The following SLC1A2 variants were observed in gnomAD, a reference collection of about 807,000 sequenced individuals.
SLC1A2 encodes the protein solute carrier family 1 member 2, also known as excitatory amino acid transporter 2.
SLC1A2 carries 15 observed loss-of-function variants against 48.8 expected under a neutral mutation model. The ratio of observed to expected loss-of-function variants is 0.31; its 90% CI spans 0.21 to 0.47. The LOEUF (loss-of-function observed/expected upper bound fraction) is 0.47. Among genes scored for constraint, SLC1A2 ranks in the 20% least tolerant of loss-of-function variants. SLC1A2 has a pLI of 0.99. For synonymous variants in SLC1A2, 279 were observed against 272.6 expected (o/e 1.02, Z -0.23); for missense variants, 502 against 730.5 (o/e 0.69, Z 3.61).
At chr11:35,411,494 G>A (rs1855459532) in intron 1 of SLC1A2, among the ~76,000 whole-genome samples, 1 of 152,130 alleles carries the variant, frequency 6.6e-6, no homozygotes, top group African/African-American at 2.4e-5. Context: ...AGGTTGGAGT[G>A]CAGTGGTTAT....
At chr11:35,376,727 G>A (rs921692875) in intron 1 of SLC1A2, among the ~76,000 whole-genome samples, 2 of 151,500 alleles carry the variant, frequency 1.3e-5, no homozygotes, top group East Asian at 1.9e-4. Context: ...TTTTTAAGCC[G>A]GCAATGGTTA....
At chr11:35,356,652 T>G (rs145962620) in intron 1 of SLC1A2, among the ~76,000 whole-genome samples, 1 of 152,246 alleles carries the variant, frequency 6.6e-6, no homozygotes, top group African/African-American at 2.4e-5. Flanking sequence ...AATATTCCTT[T>G]GCTCTTGTCG....
At chr11:35,305,606 A>G (rs757307121) in intron 5 of SLC1A2, among the ~76,000 whole-genome samples, 3 of 152,174 alleles carry the variant, frequency 2.0e-5, no homozygotes. Context: ...CTCCCTTGGT[A>G]CCTACTCCAA....
intron 8 of SLC1A2, among the ~76,000 whole-genome samples, chr11:35,282,863 C>T (rs925027111): frequency 6.6e-6 from 1 of 152,190 alleles, no homozygotes; most frequent in Non-Finnish European, 1.5e-5. Context: ...ATACCCTCAC[C>T]CTCCGGTAGG....
At chr11:35,339,562 C>G (rs1196017315) in intron 1 of SLC1A2, among the ~76,000 whole-genome samples, 1 of 152,158 alleles carries the variant, frequency 6.6e-6, no homozygotes, top group African/African-American at 2.4e-5. Context: ...TGGTGACTCA[C>G]AGGACCCTCT....
intron 1 of SLC1A2, among the ~76,000 whole-genome samples, chr11:35,331,298 C>T (rs547208152): frequency 3.3e-5 from 5 of 152,308 alleles, no homozygotes; most frequent in African/African-American, 1.2e-4. Flanking sequence ...GCTTCCATCG[C>T]CCATGGAAGC....
intron 1 of SLC1A2, among the ~76,000 whole-genome samples, chr11:35,407,351 C>T (rs1229409721): frequency 6.6e-6 from 1 of 152,130 alleles, no homozygotes; most frequent in East Asian, 1.9e-4. Flanking sequence ...ATGAATTAGC[C>T]TCAGGTTCTA....
At position 35,312,358 on chromosome 11, in the gene SLC1A2, A is replaced by G. The variant is rs200401722; in HGVS notation, c.401T>C (p.Leu134Pro). ...YMSTTIIAAV[L>P]GVILVLAIHP... ...GATAGCCAAGACCAGAATGACCCCC[A>G]GTACTGCAGCAATGATGGTCGTGGA... is the stretch of plus-strand genomic sequence containing the variant. Residue 134 changes from leucine (L) to proline (P), a missense_variant, in exon 4 of 11, where the codon CTG (leucine) becomes CCG (proline). Physicochemically the swap from Leu to Pro is moderately conservative, Grantham distance 98. Coordinates refer to ENST00000278379, the MANE Select transcript of SLC1A2 (RefSeq NM_004171.4). 6.2e-7 allele frequency: 1 copy of G among 1,614,150 alleles called. No individual in the cohort carries two copies. The highest frequency in any genetic ancestry group is 1.7e-5 in the Admixed American group (1 of 60,022).
chr11:35,312,488 G>A (rs750011191), intron 3 of SLC1A2, 40 bp from the exon 4 acceptor site: 39 of 1,606,354 alleles, frequency 2.4e-5, no homozygotes, highest in Middle Eastern at 1.7e-4. Flanking sequence ...ATTCTATTAC[G>A]TTTGTGCTAA....
intron 1 of SLC1A2, among the ~76,000 whole-genome samples, chr11:35,341,694 TG>T: frequency 6.6e-6 from 1 of 152,286 alleles, no homozygotes; most frequent in East Asian, 1.9e-4. Flanking sequence ...TATTGGGTGT[TG>T]GGGGTAAGTT....
chr11:35,385,669 G>C (rs963526451), intron 1 of SLC1A2, among the ~76,000 whole-genome samples: 5 of 152,178 alleles, frequency 3.3e-5, no homozygotes, highest in Non-Finnish European at 5.9e-5. Flanking sequence ...CAAAGACAGG[G>C]AGCTTGGTTT....
intron 6 of SLC1A2, among the ~76,000 whole-genome samples, chr11:35,300,768 C>A (rs1851328525): frequency 6.6e-6 from 1 of 152,178 alleles, no homozygotes; most frequent in Non-Finnish European, 1.5e-5. Flanking sequence ...ATAATCCCAG[C>A]ACTTTGGGAG....
rs1291450306 is a variant in SLC1A2 at position 35,317,379 on chromosome 11, A to G, written c.155T>C (p.Phe52Ser). Reference sequence around the variant, plus strand: ...GGTGGGGTAGTGCAGGTACCTACCAAACACCGTCAGGGTGAGCAGCAGATT... The same window carrying G: ...GGTGGGGTAGTGCAGGTACCTACCAGACACCGTCAGGGTGAGCAGCAGATT... The part of the protein sequence containing the change: ...GKNLLLTLTV[F>S]GVILGAVCGG... Residue 52 changes from phenylalanine (F) to serine (S), a missense_variant and splice_region_variant, in exon 2 of 11, where the codon TTT (phenylalanine) becomes TCT (serine). By Grantham distance (155) the Phe-to-Ser change is radical (BLOSUM62 -2). Around this residue, in one of 4 missense-constraint regions of SLC1A2, gnomAD observed 89 missense variants for 119.7 expected, o/e 0.74. Transcript: ENST00000278379. The G allele has an allele frequency of 7.4e-6, 12 of 1,613,878 alleles. No individual in the cohort carries two copies. In the South Asian group the frequency reaches 1.2e-4, roughly 16 times the overall value.
At chr11:35,266,813 G>A (rs1046348570) in intron 9 of SLC1A2, among the ~76,000 whole-genome samples, 18 of 152,252 alleles carry the variant, frequency 1.2e-4, no homozygotes, top group East Asian at 7.7e-4. Context: ...CAGGCAAAGC[G>A]GAAACTTTAA....
chr11:35,335,447 A>C (rs1176699807), intron 1 of SLC1A2, among the ~76,000 whole-genome samples: 1 of 152,190 alleles, frequency 6.6e-6, no homozygotes, highest in Non-Finnish European at 1.5e-5. Flanking sequence ...CAGAGGTCCC[A>C]GTACTCCTCT....
chr11:35,287,019 T>A, intron 7 of SLC1A2, 68 bp from the exon 8 acceptor site: 1 of 1,231,846 alleles, frequency 8.1e-7, no homozygotes, highest in Non-Finnish European at 1.2e-6. Flanking sequence ...ATGCATAAAC[T>A]GGAATGCCAC....
At chr11:35,286,454 T>C (rs915112403) in intron 8 of SLC1A2, 20 of 198,838 alleles carry the variant, frequency 1.0e-4, no homozygotes, top group Non-Finnish European at 1.6e-4. Flanking sequence ...GGTGCCTGAG[T>C]TTCTTTGTCT....
chr11:35,336,970 A>C (rs970770410), intron 1 of SLC1A2, among the ~76,000 whole-genome samples: 1 of 152,166 alleles, frequency 6.6e-6, no homozygotes, highest in Non-Finnish European at 1.5e-5. Flanking sequence ...ATTCCACAAC[A>C]TTTTTTAACT....
At chr11:35,390,346 T>C (rs1313354659) in intron 1 of SLC1A2, among the ~76,000 whole-genome samples, 1 of 152,218 alleles carries the variant, frequency 6.6e-6, no homozygotes, top group Non-Finnish European at 1.5e-5. Context: ...ATGTCCTTCC[T>C]ACATGTAGTG....
Sources: allele counts gnomAD v4.1 joint callset (sites outside exome capture counted in the v4.1 genomes callset), GRCh38; gene constraint gnomAD v4.1.1; regional missense constraint gnomAD v4.1.1; transcripts MANE v1.5; gene names NCBI Gene and HGNC (gene_info 2026-07-23, HGNC 2026-07-21).